The following CHM variants were observed in gnomAD, a reference collection of about 807,000 sequenced individuals.
CHM encodes the protein CHM Rab escort protein, also known as rab proteins geranylgeranyltransferase component A 1.
In CHM, 10 loss-of-function variants were observed where a neutral mutation model predicts 49.0. That is an observed-to-expected ratio of 0.20 (90% CI 0.13 to 0.35). The LOEUF is 0.35. Among genes scored for constraint, CHM ranks in the 10% least tolerant of loss-of-function variants. The pLI, the probability that CHM is intolerant of heterozygous loss-of-function variation, is 1.00. For synonymous variants in CHM, 184 were observed against 167.5 expected (o/e 1.10, Z -0.76); for missense variants, 455 against 478.4 (o/e 0.95, Z 0.46).
At chrX:86,001,867 AAACAAC>A (rs1417455378) in intron 2 of CHM, among the ~76,000 whole-genome samples, 1 of 111,286 alleles carries the variant, frequency 9.0e-6, no homozygotes, top group Non-Finnish European at 1.9e-5. Flanking sequence ...TTGTTTAAAA[AAACAAC>A]AACAACAAGT....
chrX:86,040,081 T>C (rs982582988), intron 1 of CHM, among the ~76,000 whole-genome samples: 3 of 112,224 alleles, frequency 2.7e-5, no homozygotes, highest in Non-Finnish European at 3.8e-5. Context: ...ACACTTGCCC[T>C]TTGCCCTCAC....
chrX:86,001,237 T>C (rs1335702124), intron 2 of CHM, among the ~76,000 whole-genome samples: 1 of 111,235 alleles, frequency 9.0e-6, no homozygotes, highest in African/African-American at 3.3e-5. Context: ...TGGACAGTTA[T>C]AAATAGAAAC....
intron 8 of CHM, among the ~76,000 whole-genome samples, chrX:85,936,397 G>A (rs939230200): frequency 4.5e-5 from 5 of 111,644 alleles, no homozygotes; most frequent in African/African-American, 1.6e-4. Flanking sequence ...TCACATACAA[G>A]TCTCAAAGTA....
chrX:85,866,864 A>G (rs1169483722), intron 14 of CHM, among the ~76,000 whole-genome samples: 1 of 112,983 alleles, frequency 8.9e-6, no homozygotes, highest in Non-Finnish European at 1.9e-5. Context: ...CCCATTTGGA[A>G]TGGGGACATT....
At chrX:85,962,698 T>C (rs956091269) in intron 5 of CHM, among the ~76,000 whole-genome samples, 1 of 111,989 alleles carries the variant, frequency 8.9e-6, no homozygotes, top group African/African-American at 3.2e-5. Flanking sequence ...TTATAGGATT[T>C]AGTCTGTTTT....
intron 2 of CHM, among the ~76,000 whole-genome samples, chrX:86,026,097 A>ATT (rs1398285252): frequency 3.0e-4 from 9 of 30,488 alleles, no homozygotes; most frequent in Non-Finnish European, 4.1e-4. Context: ...AAGGTAGCAG[A>ATT]TTTTCTTTTT....
chrX:85,867,837 A>G (rs1012771590), intron 14 of CHM, among the ~76,000 whole-genome samples: 10 of 112,332 alleles, frequency 8.9e-5, no homozygotes, highest in African/African-American at 3.2e-4. Context: ...TGACAGGGTA[A>G]CAGAATAAAA....
intron 2 of CHM, among the ~76,000 whole-genome samples, chrX:86,001,964 T>C (rs1326902562): frequency 1.8e-5 from 2 of 111,220 alleles, no homozygotes; most frequent in Admixed American, 9.6e-5. Context: ...GAAAATTGCA[T>C]GCAATTACAA....
intron 1 of CHM, among the ~76,000 whole-genome samples, chrX:86,039,652 A>G (rs1406500280): frequency 9.0e-6 from 1 of 110,699 alleles, no homozygotes; most frequent in Admixed American, 9.7e-5. Flanking sequence ...GCCTGAAACC[A>G]TGACGCAAAG....
intron 1 of CHM, among the ~76,000 whole-genome samples, chrX:86,037,787 C>T (rs964419392): frequency 1.8e-5 from 2 of 109,745 alleles, no homozygotes; most frequent in East Asian, 5.7e-4. Context: ...TTTTAATGAG[C>T]GGGACCTTGG....
chrX:85,923,655 T>A (rs1927922103), intron 8 of CHM, among the ~76,000 whole-genome samples: 1 of 112,141 alleles, frequency 8.9e-6, no homozygotes, highest in Non-Finnish European at 1.9e-5. Context: ...AGACAAATGC[T>A]GTCCCTGCTG....
intron 8 of CHM, among the ~76,000 whole-genome samples, chrX:85,954,650 T>G (rs982733556): frequency 3.6e-5 from 4 of 110,965 alleles, no homozygotes; most frequent in Non-Finnish European, 7.6e-5. Context: ...TACCAGCACT[T>G]TGGGAGGCTG....
chrX:85,983,589 C>G (rs1379822467), intron 2 of CHM, among the ~76,000 whole-genome samples: 4 of 111,737 alleles, frequency 3.6e-5, no homozygotes, highest in Non-Finnish European at 7.5e-5. Flanking sequence ...AAACCTGAAA[C>G]TACTGACACT....
intron 4 of CHM, among the ~76,000 whole-genome samples, chrX:85,966,695 C>T (rs1287760644): frequency 8.9e-6 from 1 of 112,036 alleles, no homozygotes; most frequent in Non-Finnish European, 1.9e-5. Flanking sequence ...CCATGCCTAA[C>T]TCTTAAAGCA....
intron 1 of CHM, among the ~76,000 whole-genome samples, chrX:86,028,094 T>A (rs143569309): frequency 2.3e-3 from 254 of 112,110 alleles, no homozygotes; most frequent in African/African-American, 8.0e-3. Flanking sequence ...TCTGCTTAAT[T>A]TGGCAAGAAA....
intron 1 of CHM, among the ~76,000 whole-genome samples, chrX:86,044,935 C>A (rs1274276819): frequency 8.9e-6 from 1 of 111,783 alleles, no homozygotes; most frequent in East Asian, 2.8e-4. Flanking sequence ...TAAGAAAATA[C>A]AAAGTTTATT....
intron 12 of CHM, among the ~76,000 whole-genome samples, chrX:85,892,777 CAT>C (rs1925561593): frequency 9.0e-6 from 1 of 111,686 alleles, no homozygotes; most frequent in South Asian, 3.8e-4. Flanking sequence ...TGCCTGACCA[CAT>C]GTTCCCATTT....
At chrX:85,950,617 G>A (rs944335181) in intron 8 of CHM, among the ~76,000 whole-genome samples, 4 of 110,810 alleles carry the variant, frequency 3.6e-5, no homozygotes, top group Non-Finnish European at 7.6e-5. Context: ...GGCGAGAAGA[G>A]AAAAGGAAGA....
chrX:86,046,115 C>T (rs1383733599), intron 1 of CHM, among the ~76,000 whole-genome samples: 1 of 112,249 alleles, frequency 8.9e-6, no homozygotes, highest in African/African-American at 3.2e-5. Context: ...TATTCAAAAA[C>T]AAGGAAACTG....
Sources: allele counts gnomAD v4.1 joint callset (sites outside exome capture counted in the v4.1 genomes callset), GRCh38; gene constraint gnomAD v4.1.1; transcripts MANE v1.5; gene names NCBI Gene and HGNC (gene_info 2026-07-23, HGNC 2026-07-21).